The following ANO8 variants were observed in gnomAD, a reference collection of about 807,000 sequenced individuals.
The protein encoded by ANO8 is anoctamin 8.
A neutral mutation model predicts 120.4 loss-of-function variants in ANO8; 67 were observed. The observed-to-expected ratio is 0.56, with a 90% CI of 0.46 to 0.68. ANO8 has a LOEUF of 0.68. ANO8 is among the 30% of genes least tolerant of loss of function. ANO8 has a pLI of 0.00. For missense variants in ANO8, 1,526 were observed against 1,737.6 expected (o/e 0.88, Z 2.16); for synonymous variants, 727 against 759.2 (o/e 0.96, Z 0.70).
In ANO8 at chr19:17,325,253, G is replaced by A. The variant is rs1446600112; in HGVS notation, c.2795C>T (p.Ala932Val). 6.2e-7 allele frequency: 1 copy of A among 1,609,556 alleles called. No homozygotes were observed. Among genetic ancestry groups the A allele is most frequent in the South Asian group, 1.1e-5 (1 of 91,066 alleles). ...GGCAGGGTCCAGCCCAGAGCCCTCG[G>A]CCCTCGCCTCCTCTCGGCCACCAGA... ...HDSGGREEAR[A>V]EGSGLDPATS... The change falls in exon 17 of 18, where the codon GCC becomes GTC. Residue 932 changes from alanine to valine, a missense_variant. Physicochemically the swap from Ala to Val is moderately conservative, Grantham distance 64 (BLOSUM62 0). Coordinates refer to ENST00000159087, the MANE Select transcript of ANO8 (RefSeq NM_020959.3).
In ANO8 at chr19:17,333,383, G is replaced by A; in HGVS notation, c.350+39C>T. 6.2e-7 allele frequency: 1 copy of A among 1,613,068 alleles called. No homozygotes were observed. Among genetic ancestry groups the A allele is most frequent in the Non-Finnish European group, 8.5e-7 (1 of 1,179,702 alleles). On this transcript the variant is annotated intron_variant, in intron 3 of 17. Coordinates refer to ENST00000159087, the MANE Select transcript of ANO8 (RefSeq NM_020959.3). The surrounding 1 kb of genome is among the most constrained non-coding windows in gnomAD (Gnocchi z 7.2). ...GGCACTTGGTAGAGCGGGGAGTCGG[G>A]TGGCAGGCTCAGCGAGAGGCCAGGG...
Position 17,328,189 on chromosome 19 carries a change from C to G in ANO8, c.2199G>C (p.Glu733Asp). ...CGTACTTCTTCATACAGCTCTCCAG[C>G]TCTGCCTGGGTGAGCTGGGGCGAGT... ...EEHSPQLTQA[E>D]LESCMKKYED... Residue 733 changes from glutamate to aspartate, a missense_variant, in exon 13 of 18, where the codon GAG becomes GAC. Physicochemically the swap from Glu to Asp is conservative, Grantham distance 45. This residue lies in a region of ANO8 where 467 missense variants were observed against 425.8 expected (regional missense o/e 1.10). Coordinates refer to ENST00000159087, the MANE Select transcript of ANO8 (RefSeq NM_020959.3). 6.3e-7 allele frequency: 1 copy of G among 1,588,726 alleles called. No individual in the cohort carries two copies. The highest frequency in any genetic ancestry group is 2.3e-5 in the East Asian group (1 of 44,422).
intron 8 of ANO8, 131 bp from the exon 9 acceptor site, chr19:17,330,635 G>A: frequency 1.4e-6 from 2 of 1,393,076 alleles, no homozygotes; most frequent in Non-Finnish European, 1.9e-6. Context: ...CACCCACCTA[G>A]GGCACTGTTC....
Position 17,333,762 on chromosome 19 carries a change from AGC to A in ANO8, c.143_144del (p.Arg48LeufsTer29). 6.2e-7 allele frequency: 1 copy of A among 1,607,424 alleles called. No homozygotes were observed. Among genetic ancestry groups the A allele is most frequent in the Non-Finnish European group, 8.5e-7 (1 of 1,178,036 alleles). On this transcript the variant is annotated frameshift_variant, in exon 2 of 18. Transcript: ENST00000159087. LOFTEE classifies it high-confidence loss of function. This position sits in a 1 kb window ranked among gnomAD's most constrained non-coding sequence, Gnocchi z 7.2. ...ATCCACGCCTTGTGGGACACCAGGT[AGC>A]GACCAGCCTGCAGGAGCCGCTTTCC... ...LFGKRLLQAG[R>X]YLVSHKAWMK...
Position 17,334,779 on chromosome 19 carries a change from G to T in ANO8, c.-109C>A, listed in dbSNP as rs2074351138. 8.7e-7 allele frequency: 1 copy of T among 1,148,816 alleles called. No individual in the cohort carries two copies. Among genetic ancestry groups the T allele is most frequent in the Non-Finnish European group, 1.2e-6 (1 of 865,592 alleles). 71.2% of individuals were successfully genotyped at this position (1,148,816 alleles called of 1,614,324 possible). On this transcript the variant is annotated 5_prime_UTR_variant, in exon 1 of 18. Transcript: ENST00000159087. ...CGCGCGGGAGGAGGAGACAAAGGCC[G>T]CGCCCGCCCGCGCCGGCCTCGGTCC...
rs1360300174 is a variant in ANO8 at position 17,334,830 on chromosome 19, T to A, written c.-160A>T. On this transcript the variant is annotated 5_prime_UTR_variant, in exon 1 of 18. Coordinates refer to ENST00000159087, the MANE Select transcript of ANO8 (RefSeq NM_020959.3). ...TCGCTCGCCCGAGCGCTGCTTCTCGTCCCCGCCCGAGCCGAACCTCGATTC... is the reference window on the plus strand; with the variant it reads ...TCGCTCGCCCGAGCGCTGCTTCTCGACCCCGCCCGAGCCGAACCTCGATTC... The A allele has an allele frequency of 2.8e-5, 36 of 1,270,944 alleles. No individual in the cohort carries two copies. In the South Asian group the frequency reaches 3.7e-4, roughly 13 times the overall value. The allele number at this position is 1,270,944 out of a possible 1,614,324, so 78.7% of individuals were successfully genotyped here. A position where few individuals can be genotyped will look rare whatever the true frequency, so the allele number is the denominator to read the frequency against.
chr19:17,325,250 T>C lies in ANO8; in HGVS notation c.2798A>G (p.Glu933Gly), dbSNP rs139325187. Residue 933 changes from glutamate (E) to glycine (G), a missense_variant, in exon 17 of 18, where the codon GAG (glutamate) becomes GGG (glycine). Glu to Gly is a moderately conservative substitution (Grantham distance 98). Transcript: ENST00000159087. ...GGTGGCAGGGTCCAGCCCAGAGCCC[T>C]CGGCCCTCGCCTCCTCTCGGCCACC... is the stretch of plus-strand genomic sequence containing the variant. ...DSGGREEARAEGSGLDPATSS... is the reference protein window; with the variant it reads ...DSGGREEARAGGSGLDPATSS... The C allele has an allele frequency of 6.2e-7, 1 of 1,609,798 alleles. No homozygotes were observed. Among genetic ancestry groups the C allele is most frequent in the African/African-American group, 1.3e-5 (1 of 75,056 alleles).
At position 17,328,210 on chromosome 19, in the gene ANO8, C is replaced by A; in HGVS notation, c.2178G>T (p.Ser726=). The change falls in exon 13 of 18, where the codon TCG becomes TCT. Residue 726 remains serine (S), a synonymous_variant. Coordinates refer to ENST00000159087, the MANE Select transcript of ANO8 (RefSeq NM_020959.3). ...SWIDPPEEEH[S]PQLTQAELES... is the part of the protein sequence containing the mutation. The stretch of plus-strand genomic sequence containing the variant: ...CCAGCTCTGCCTGGGTGAGCTGGGG[C>A]GAGTGTTCCTCCTCCGGCGGGTCAA... 1 of 1,591,718 alleles carries A rather than the reference C, an allele frequency of 6.3e-7. No homozygotes were observed. The highest frequency in any genetic ancestry group is 8.6e-7 in the Non-Finnish European group (1 of 1,163,830).
chr19:17,328,315 G>C lies in ANO8; in HGVS notation c.2073C>G (p.Pro691=). 3 of 1,597,492 alleles carry C rather than the reference G, an allele frequency of 1.9e-6. No individual in the cohort carries two copies. Among genetic ancestry groups the C allele is most frequent in the Non-Finnish European group, 2.6e-6 (3 of 1,174,256 alleles). ...RAGGEGRDQG[P]DGGPDPEPGS... ...CGGGTTCCGGGTCCGGGCCCCCGTCGGGCCCCTGGTCTCGGCCCTCGCCCC... is the reference window on the plus strand; with the variant it reads ...CGGGTTCCGGGTCCGGGCCCCCGTCCGGCCCCTGGTCTCGGCCCTCGCCCC... Residue 691 remains proline (P), a synonymous_variant, in exon 13 of 18, where the codon CCC becomes CCG. Coordinates refer to ENST00000159087, the MANE Select transcript of ANO8 (RefSeq NM_020959.3).
chr19:17,327,636 C>A (rs1390911201), intron 14 of ANO8, 53 bp downstream of exon 14: 1 of 1,607,416 alleles, frequency 6.2e-7, no homozygotes, highest in Non-Finnish European at 8.5e-7. Flanking sequence ...CTCCTCCCAG[C>A]TGCACCTGGG....
intron 5 of ANO8, among the ~76,000 whole-genome samples, chr19:17,331,931 CTTTTTT>C (rs71180396): frequency 0.014 from 1,087 of 78,596 alleles, 21 homozygotes; most frequent in Admixed American, 0.022. Flanking sequence ...CCGCGCCCGG[CTTTTTT>C]TTTTTTTTTT....
chr19:17,323,373 G>A lies in ANO8; in HGVS notation c.*144C>T, dbSNP rs1042773839. ...CTGTTGGATTTGTGGGTTTCCTTTC[G>A]TTTGGAAAGGAAAACGGCAGATGGG... On this transcript the variant is annotated 3_prime_UTR_variant, in exon 18 of 18. Transcript: ENST00000159087. 5 of 574,196 alleles carry A rather than the reference G, an allele frequency of 8.7e-6. No homozygotes were observed. The African/African-American group carries it at 9.7e-5, about 11-fold the overall frequency. 35.6% of individuals were successfully genotyped at this position (574,196 alleles called of 1,614,324 possible). A position where few individuals can be genotyped will look rare whatever the true frequency, so the allele number is the denominator to read the frequency against.
Position 17,324,891 on chromosome 19 carries a change from T to C in ANO8, c.3157A>G (p.Lys1053Glu). The change falls in exon 17 of 18, where the codon AAG (lysine) becomes GAG (glutamate). Residue 1053 changes from lysine to glutamate, a missense_variant. Coordinates refer to ENST00000159087, the MANE Select transcript of ANO8 (RefSeq NM_020959.3). ...HSPPKAFHAG[K>E]LFPFGGTRAE... Reference sequence around the variant, plus strand: ...CGGGTGCCACCAAAGGGGAAGAGCTTGCCAGCATGGAAGGCTTTGGGCGGT... The same window carrying C: ...CGGGTGCCACCAAAGGGGAAGAGCTCGCCAGCATGGAAGGCTTTGGGCGGT... The C allele has an allele frequency of 1.2e-6, 2 of 1,613,346 alleles. No homozygotes were observed. Among genetic ancestry groups the C allele is most frequent in the Non-Finnish European group, 1.7e-6 (2 of 1,179,828 alleles).
At position 17,330,254 on chromosome 19, in the gene ANO8, G is replaced by A. The variant is rs1412112908; in HGVS notation, c.1147-3C>T. 2 of 1,613,994 alleles carry A rather than the reference G, an allele frequency of 1.2e-6. No homozygotes were observed. The highest frequency in any genetic ancestry group is 2.2e-5 in the East Asian group (1 of 44,884). Reference sequence around the variant, plus strand: ...CCCTTCACGCTCAGCACCAGCTCCTGCGGGAGAAGGGGGTTCAGGGCTCAT... The same window carrying A: ...CCCTTCACGCTCAGCACCAGCTCCTACGGGAGAAGGGGGTTCAGGGCTCAT... On this transcript the variant is annotated splice_region_variant and splice_polypyrimidine_tract_variant and intron_variant, in intron 9 of 17. Coordinates refer to ENST00000159087, the MANE Select transcript of ANO8 (RefSeq NM_020959.3).
At chr19:17,325,859 C>T (rs1024602379) in intron 16 of ANO8, among the ~76,000 whole-genome samples, 14 of 152,256 alleles carry the variant, frequency 9.2e-5, no homozygotes, top group South Asian at 8.3e-4. Flanking sequence ...ACCCGGGAGA[C>T]GGAGGTTGCA....
chr19:17,327,863 G>C lies in ANO8; in HGVS notation c.2244C>G (p.Tyr748Ter). The C allele has an allele frequency of 6.2e-7, 1 of 1,613,894 alleles. No homozygotes were observed. Among genetic ancestry groups the C allele is most frequent in the Non-Finnish European group, 8.5e-7 (1 of 1,179,834 alleles). ...MKKYEDTFQD[Y>*]QEMFVQFGYV... Reference sequence around the variant, plus strand: ...AGCCGAACTGCACGAACATCTCCTGGTAGTCCTGGAACGTGTCCTGCGAGT... The same window carrying C: ...AGCCGAACTGCACGAACATCTCCTGCTAGTCCTGGAACGTGTCCTGCGAGT... The change falls in exon 14 of 18, where the codon TAC (tyrosine) becomes TAG (stop). Residue 748 changes from tyrosine (Y) to a stop codon, truncating the protein, a stop_gained. Transcript: ENST00000159087. LOFTEE classifies it high-confidence loss of function.
chr19:17,323,872 G>GC lies in ANO8; in HGVS notation c.3343dup (p.Ala1115GlyfsTer103). On this transcript the variant is annotated frameshift_variant, in exon 18 of 18. Coordinates refer to ENST00000159087, the MANE Select transcript of ANO8 (RefSeq NM_020959.3). LOFTEE classifies it low-confidence loss of function (END_TRUNC). Reference sequence around the variant, plus strand: ...GCGGAGGGCAGGGGCGCCCACGGGGGCCAGCGCTGTCCCTGCGGAGGCGAG... The same window carrying GC: ...GCGGAGGGCAGGGGCGCCCACGGGGGCCCAGCGCTGTCCCTGCGGAGGCGAG... The GC allele has an allele frequency of 8.9e-7, 1 of 1,121,564 alleles. No individual in the cohort carries two copies. Among genetic ancestry groups the GC allele is most frequent in the Non-Finnish European group, 1.1e-6 (1 of 917,070 alleles). 69.5% of individuals were successfully genotyped at this position (1,121,564 alleles called of 1,614,324 possible).
chr19:17,331,089 T>C lies in ANO8; in HGVS notation c.830A>G (p.Gln277Arg). The change falls in exon 7 of 18, where the codon CAG (glutamine) becomes CGG (arginine). Residue 277 changes from glutamine to arginine, a missense_variant and splice_region_variant. Transcript: ENST00000159087. ...CCTTGCAGGGTCCCTGCCCAGTACC[T>C]GATCAGCCTCTGTGAATGTGTACAG... is the stretch of plus-strand genomic sequence containing the variant. ...SVLYTFTEADQTSRDVSCVVF... is the reference protein window; with the variant it reads ...SVLYTFTEADRTSRDVSCVVF... The C allele has an allele frequency of 6.2e-7, 1 of 1,614,196 alleles. No individual in the cohort carries two copies. Among genetic ancestry groups the C allele is most frequent in the Non-Finnish European group, 8.5e-7 (1 of 1,180,016 alleles).
In ANO8 at chr19:17,331,097, C is replaced by T; in HGVS notation, c.822G>A (p.Glu274=). The T allele has an allele frequency of 1.2e-6, 2 of 1,614,194 alleles. No homozygotes were observed. The highest frequency in any genetic ancestry group is 1.1e-5 in the South Asian group (1 of 91,086). ...GGTCCCTGCCCAGTACCTGATCAGC[C>T]TCTGTGAATGTGTACAGGACAGACC... The part of the protein sequence containing the change: ...VFGSVLYTFT[E]ADQTSRDVSC... Residue 274 remains glutamate, a synonymous_variant, in exon 7 of 18, where the codon GAG becomes GAA. Transcript: ENST00000159087.
Sources: gnomAD v4.1 joint callset for allele counts (sites outside exome capture counted in the v4.1 genomes callset) on GRCh38, gnomAD v4.1.1 for gene constraint, gnomAD v4.1.1 regional missense constraint, Gnocchi (gnomAD v3.1) non-coding constraint, MANE v1.5 for transcripts, NCBI Gene and HGNC (gene_info 2026-07-23, HGNC 2026-07-21) for gene names.